Variants in XRCC5 observed in about 807,000 individuals in gnomAD.
The protein encoded by XRCC5 is X-ray repair cross complementing 5, also known as DNA repair protein Ku80.
XRCC5 carries 12 observed loss-of-function variants against 95.7 expected under a neutral mutation model. The observed-to-expected ratio is 0.13, with a 90% CI of 0.08 to 0.20. The LOEUF (loss-of-function observed/expected upper bound fraction) is 0.20, where lower values mean the gene tolerates loss of function less well. Ranked by LOEUF, XRCC5 falls within the 10% of genes least tolerant of loss-of-function variation. The probability of loss-of-function intolerance (pLI) is 1.00; values close to 1 mark genes in which losing one functional copy is unlikely to be tolerated. For missense variants in XRCC5, 595 were observed against 873.9 expected, an observed-to-expected ratio of 0.68 and a Z score of 4.02; for synonymous variants, 281 against 290.3, an observed-to-expected ratio of 0.97 and a Z score of 0.33.
In XRCC5 at chr2:216,125,753, C is replaced by G. The variant is rs1205972727; in HGVS notation, c.684-164C>G. On this transcript the variant is annotated intron_variant, in intron 6 of 20. Transcript: ENST00000392132. Reference sequence around the variant, plus strand: ...CTAAGCCAACTCACTCTTGCCCTGGCTATATCTCCCAACTTGTGGTTGTTG... The same window carrying G: ...CTAAGCCAACTCACTCTTGCCCTGGGTATATCTCCCAACTTGTGGTTGTTG... Among the ~76,000 whole-genome samples the G allele has an allele frequency of 2.0e-5, 3 of 152,212 alleles. No homozygotes were observed. The East Asian group carries it at 5.8e-4, about 29-fold the overall frequency.
chr2:216,188,523 T>A (rs1312416506), intron 16 of XRCC5, among the ~76,000 whole-genome samples: 1 of 152,232 alleles, frequency 6.6e-6, no homozygotes, highest in Non-Finnish European at 1.5e-5. Context: ...TATTCTCATT[T>A]CAAAAGAAAT....
At chr2:216,195,345 T>TTTTTCTTTTCTTTTCTTTTCTTTTA (rs1689696054) in intron 19 of XRCC5, among the ~76,000 whole-genome samples, 1 of 125,202 alleles carries the variant, frequency 8.0e-6, no homozygotes, top group African/African-American at 2.9e-5. Flanking sequence ...GTTTTTCTTT[T>TTTTTCTTTTCTTTTCTTTTCTTTTA]TTTTCTTTTC....
intron 12 of XRCC5, among the ~76,000 whole-genome samples, chr2:216,139,851 C>T (rs1697146148): frequency 2.0e-5 from 3 of 152,104 alleles, no homozygotes; most frequent in Admixed American, 6.5e-5. Context: ...TTTATTTTGT[C>T]GACATAAATC....
chr2:216,138,002 A>G, intron 11 of XRCC5, 87 bp from the exon 12 acceptor site: 1 of 1,167,000 alleles, frequency 8.6e-7, no homozygotes, highest in South Asian at 1.4e-5. Flanking sequence ...TATTTCTGTT[A>G]TGCTACTTTC....
chr2:216,128,992 A>G (rs190014374), intron 8 of XRCC5, among the ~76,000 whole-genome samples: 60 of 152,348 alleles, frequency 3.9e-4, no homozygotes, highest in Non-Finnish European at 5.9e-5. Context: ...GGCTTTGGAT[A>G]ATAGGCTAAG....
rs796398929 is a variant in XRCC5 at position 216,189,457 on chromosome 2, C to T, written c.1835-768C>T. On this transcript the variant is annotated intron_variant, in intron 16 of 20. Coordinates refer to ENST00000392132, the MANE Select transcript of XRCC5 (RefSeq NM_021141.4). ...TCATGACTTTTAGATTTCCTTTTTC[C>T]TCTGCTTTTTATTCATACTGAAGAA... Among the ~76,000 whole-genome samples, 8 of 152,252 alleles carry T rather than the reference C, an allele frequency of 5.3e-5. No individual in the cohort carries two copies. The South Asian group carries it at 1.0e-3, about 20-fold the overall frequency.
At chr2:216,132,663 G>A (rs1697012942) in intron 10 of XRCC5, among the ~76,000 whole-genome samples, 1 of 152,180 alleles carries the variant, frequency 6.6e-6, no homozygotes, top group Non-Finnish European at 1.5e-5. Context: ...GTTAAGGAGG[G>A]TTGGGGTCAG....
chr2:216,117,470 A>G (rs904669417), intron 3 of XRCC5: 20 of 441,076 alleles, frequency 4.5e-5, no homozygotes, highest in African/African-American at 3.5e-4. Flanking sequence ...GGTTCTAGAT[A>G]CTATTAAATG....
chr2:216,121,971 G>GAA (rs1238297450), intron 5 of XRCC5, 91 bp from the exon 6 acceptor site: 1 of 1,150,714 alleles, frequency 8.7e-7, no homozygotes. Flanking sequence ...TTTGAAACTT[G>GAA]AAAAGGTTGA....
Position 216,192,665 on chromosome 2 carries a change from C to T in XRCC5, c.1971C>T (p.Asn657=), listed in dbSNP as rs761256646. The change falls in exon 18 of 21, where the codon AAC becomes AAT. Residue 657 remains asparagine, a synonymous_variant. Transcript: ENST00000392132. ...TTTCAGAAGAGCAGCGCTTTAACAA[C>T]TTCCTGAAAGCCCTTCAAGAGAAAG... ...IKFSEEQRFN[N]FLKALQEKVE... is the part of the protein sequence containing the mutation. 1 of 1,598,148 alleles carries T rather than the reference C, an allele frequency of 6.3e-7. No homozygotes were observed. Among genetic ancestry groups the T allele is most frequent in the East Asian group, 2.3e-5 (1 of 44,080 alleles).
At chr2:216,186,053 A>G (rs1160417155) in intron 16 of XRCC5, among the ~76,000 whole-genome samples, 1 of 152,272 alleles carries the variant, frequency 6.6e-6, no homozygotes, top group African/African-American at 2.4e-5. Context: ...AATATCCTAA[A>G]TGATGGCTGA....
chr2:216,143,459 A>G (rs1264615614), intron 13 of XRCC5, among the ~76,000 whole-genome samples: 2 of 152,200 alleles, frequency 1.3e-5, no homozygotes, highest in Admixed American at 1.3e-4. Flanking sequence ...AGTAGGTTGT[A>G]TTTATCTTTA....
intron 6 of XRCC5, among the ~76,000 whole-genome samples, chr2:216,122,659 C>T (rs1429704737): frequency 6.7e-6 from 1 of 149,450 alleles, no homozygotes. Context: ...TAGTCAGTAT[C>T]TTCTTATCAT....
At chr2:216,142,424 A>G (rs1054715942) in intron 13 of XRCC5, among the ~76,000 whole-genome samples, 1 of 152,178 alleles carries the variant, frequency 6.6e-6, no homozygotes, top group Non-Finnish European at 1.5e-5. Context: ...TCTGAGTCCA[A>G]AGGAATTGGA....
chr2:216,151,112 A>G (rs1442747822), intron 14 of XRCC5, among the ~76,000 whole-genome samples: 1 of 152,202 alleles, frequency 6.6e-6, no homozygotes, highest in East Asian at 1.9e-4. Flanking sequence ...ATCATTATCT[A>G]TAAAAACATT....
intron 10 of XRCC5, among the ~76,000 whole-genome samples, chr2:216,132,714 T>C (rs990432617): frequency 2.0e-5 from 3 of 152,208 alleles, no homozygotes; most frequent in African/African-American, 7.2e-5. Flanking sequence ...GGATGTGCAC[T>C]TCAGTGACTC....
intron 17 of XRCC5, 152 bp from the exon 18 acceptor site, chr2:216,192,487 T>C (rs1689632527): frequency 2.1e-6 from 1 of 468,742 alleles, no homozygotes; most frequent in African/African-American, 2.0e-5. Flanking sequence ...CACCTCAGTT[T>C]GGAATGCCAG....
chr2:216,122,098 G>C lies in XRCC5; in HGVS notation c.528G>C (p.Gly176=), dbSNP rs1452609151. The part of the protein sequence containing the change: ...PFSLGKEDGS[G]DRGDGPFRLG... ...CACTTGGCAAGGAAGATGGAAGTGG[G>C]GACAGAGGAGATGGCCCCTTTCGCT... The change falls in exon 6 of 21, where the codon GGG becomes GGC. Residue 176 remains glycine, a synonymous_variant. Coordinates refer to ENST00000392132, the MANE Select transcript of XRCC5 (RefSeq NM_021141.4). 1 of 1,613,880 alleles carries C rather than the reference G, an allele frequency of 6.2e-7. No homozygotes were observed.
intron 6 of XRCC5, among the ~76,000 whole-genome samples, chr2:216,125,339 A>C (rs1236286075): frequency 2.0e-5 from 3 of 152,026 alleles, no homozygotes; most frequent in African/African-American, 7.2e-5. Flanking sequence ...CTGGGATTAC[A>C]GCCATGCGCC....
Sources: allele counts gnomAD v4.1 joint callset (sites outside exome capture counted in the v4.1 genomes callset), GRCh38; gene constraint gnomAD v4.1.1; transcripts MANE v1.5; gene names NCBI Gene and HGNC (gene_info 2026-07-23, HGNC 2026-07-21).